The following MSRA variants were observed in gnomAD, a reference collection of about 807,000 sequenced individuals.
MSRA encodes the protein methionine sulfoxide reductase A.
A neutral mutation model predicts 31.3 loss-of-function variants in MSRA; 54 were observed. That is an observed-to-expected ratio of 1.73 (90% CI 1.39 to 2.17). MSRA has a LOEUF of 2.17. MSRA is among the 30% of genes most tolerant of loss of function. The pLI, the probability that MSRA is intolerant of heterozygous loss-of-function variation, is 0.00. For missense variants in MSRA, 507 were observed against 300.9 expected (o/e 1.69, Z -5.07); for synonymous variants, 169 against 116.5 (o/e 1.45, Z -2.90).
chr8:10,349,295 G>T (rs1803978238), intron 5 of MSRA, among the ~76,000 whole-genome samples: 1 of 152,162 alleles, frequency 6.6e-6, no homozygotes, highest in Non-Finnish European at 1.5e-5. Context: ...AGTTTTAATG[G>T]CAATCTGTGC....
intron 5 of MSRA, among the ~76,000 whole-genome samples, chr8:10,339,743 G>T (rs1019957600): frequency 6.6e-6 from 1 of 150,466 alleles, no homozygotes; most frequent in Non-Finnish European, 1.5e-5. Context: ...GGGTTTCACC[G>T]TGTTAGCCAG....
chr8:10,269,492 C>G (rs1176854863), intron 3 of MSRA, among the ~76,000 whole-genome samples: 1 of 152,184 alleles, frequency 6.6e-6, no homozygotes, highest in African/African-American at 2.4e-5. Context: ...TCTGGCTGCA[C>G]CAGGCATAGG....
intron 5 of MSRA, among the ~76,000 whole-genome samples, chr8:10,400,149 A>C (rs895306977): frequency 2.6e-5 from 4 of 152,074 alleles, no homozygotes; most frequent in African/African-American, 9.7e-5. Context: ...TAAGCTGCAG[A>C]GACAAAGTCA....
At chr8:10,362,102 G>T (rs1804884586) in intron 5 of MSRA, among the ~76,000 whole-genome samples, 2 of 152,142 alleles carry the variant, frequency 1.3e-5, no homozygotes, top group Non-Finnish European at 2.9e-5. Context: ...CTTGCTGTGA[G>T]ACTTTGGCAA....
At position 10,251,988 on chromosome 8, in the gene MSRA, C is replaced by T. The variant is rs117061614; in HGVS notation, c.331+6765C>T. Among the ~76,000 whole-genome samples, 1,225 of 152,256 alleles carry T rather than the reference C, an allele frequency of 8.0e-3. 10 individuals carry two copies. Among genetic ancestry groups the T allele is most frequent in the South Asian group, 0.044 (212 of 4,816 alleles). Reference sequence around the variant, plus strand: ...GAACCCTCAGGCTTTCAGAAGGGTTCTGCAGGAGCTCCAGAGGTAATGATG... The same window carrying T: ...GAACCCTCAGGCTTTCAGAAGGGTTTTGCAGGAGCTCCAGAGGTAATGATG... On this transcript the variant is annotated intron_variant, in intron 3 of 5. Transcript: ENST00000317173.
chr8:10,386,974 A>T (rs1324204646), intron 5 of MSRA, among the ~76,000 whole-genome samples: 3 of 152,140 alleles, frequency 2.0e-5, no homozygotes, highest in Non-Finnish European at 1.5e-5. Context: ...GTGCCTGTCA[A>T]ATATTGATGT....
chr8:10,098,416 G>A (rs1426006549), intron 1 of MSRA, among the ~76,000 whole-genome samples: 1 of 152,114 alleles, frequency 6.6e-6, no homozygotes, highest in Non-Finnish European at 1.5e-5. Context: ...TTCTCAGGAA[G>A]CGTTAGTCCA....
At chr8:10,385,955 A>T (rs1054278990) in intron 5 of MSRA, among the ~76,000 whole-genome samples, 2 of 152,258 alleles carry the variant, frequency 1.3e-5, no homozygotes, top group East Asian at 3.9e-4. Flanking sequence ...GGAAAGAAAA[A>T]GGTGGCTTTC....
At chr8:10,283,153 C>CACAG (rs1268050547) in intron 3 of MSRA, among the ~76,000 whole-genome samples, 1 of 147,662 alleles carries the variant, frequency 6.8e-6, no homozygotes, top group Non-Finnish European at 1.5e-5. Context: ...CACACACACA[C>CACAG]ACACACACTC....
At chr8:10,179,763 T>G (rs1806374579) in intron 1 of MSRA, among the ~76,000 whole-genome samples, 1 of 152,172 alleles carries the variant, frequency 6.6e-6, no homozygotes, top group African/African-American at 2.4e-5. Flanking sequence ...ACTTTGTGGG[T>G]TGAGGTAAGA....
rs1441594958 is a variant in MSRA, at chr8:10,197,556, C to G, written c.143-10277C>G. 2.0e-5 allele frequency among the ~76,000 whole-genome samples: 3 copies of G among 152,228 alleles called. No individual in the cohort carries two copies. In the East Asian group the frequency reaches 5.8e-4, roughly 29 times the overall value. ...GGTTGTCTTTCCGTCTGTATCACCA[C>G]CAGTAAGCACTGTGCAAATACCAGT... On this transcript the variant is annotated intron_variant, in intron 1 of 5. Coordinates refer to ENST00000317173, the MANE Select transcript of MSRA (RefSeq NM_012331.5).
intron 1 of MSRA, among the ~76,000 whole-genome samples, chr8:10,062,100 C>T (rs1797228130): frequency 6.6e-6 from 1 of 152,190 alleles, no homozygotes; most frequent in Non-Finnish European, 1.5e-5. Context: ...GGGTGAGTGG[C>T]CGCCAGGCCC....
rs925909249 is a variant in MSRA, at chr8:10,106,940, T to C, written c.142+52282T>C. ...CATTCACCTACCCCATCTATCCACC[T>C]TCCCACCCACCTACGCAACCATCTA... is the stretch of plus-strand genomic sequence containing the variant. On this transcript the variant is annotated intron_variant, in intron 1 of 5. Coordinates refer to ENST00000317173, the MANE Select transcript of MSRA (RefSeq NM_012331.5). Among the ~76,000 whole-genome samples, 6 of 146,862 alleles carry C rather than the reference T, an allele frequency of 4.1e-5. No individual in the cohort carries two copies. The East Asian group carries it at 1.3e-3, about 32-fold the overall frequency.
chr8:10,157,412 G>T (rs1804249962), intron 1 of MSRA, among the ~76,000 whole-genome samples: 1 of 152,056 alleles, frequency 6.6e-6, no homozygotes, highest in Admixed American at 6.6e-5. Context: ...TGATATCTCA[G>T]TTAATTTGGG....
At chr8:10,314,693 C>T (rs1801616915) in intron 4 of MSRA, among the ~76,000 whole-genome samples, 1 of 152,136 alleles carries the variant, frequency 6.6e-6, no homozygotes, top group Non-Finnish European at 1.5e-5. Flanking sequence ...TAAGAGAATA[C>T]ATGTCAAGAA....
At chr8:10,363,140 C>A (rs942550986) in intron 5 of MSRA, among the ~76,000 whole-genome samples, 1 of 152,180 alleles carries the variant, frequency 6.6e-6, no homozygotes, top group East Asian at 1.9e-4. Context: ...AGCCTTTCTC[C>A]GTAGGTTCCT....
chr8:10,278,415 A>G (rs533247409), intron 3 of MSRA, among the ~76,000 whole-genome samples: 1 of 152,346 alleles, frequency 6.6e-6, no homozygotes, highest in East Asian at 1.9e-4. Context: ...TCATGTAACA[A>G]CCAAAAACAC....
At chr8:10,401,678 T>G (rs35388602) in intron 5 of MSRA, among the ~76,000 whole-genome samples, 2 of 96,264 alleles carry the variant, frequency 2.1e-5, no homozygotes, top group Admixed American at 2.1e-4. Flanking sequence ...ATCAGATGAA[T>G]GGGTAAAAAA....
At chr8:10,152,118 ATAT>A (rs929476531) in intron 1 of MSRA, among the ~76,000 whole-genome samples, 1 of 152,246 alleles carries the variant, frequency 6.6e-6, no homozygotes, top group Non-Finnish European at 1.5e-5. Flanking sequence ...TTGTGAACAT[ATAT>A]TTGTGTGTGT....
Sources: gnomAD v4.1 joint callset for allele counts (sites outside exome capture counted in the v4.1 genomes callset) on GRCh38, gnomAD v4.1.1 for gene constraint, MANE v1.5 for transcripts, NCBI Gene and HGNC (gene_info 2026-07-23, HGNC 2026-07-21) for gene names.